SHC4: variants seen among roughly 807,000 people sequenced by gnomAD.
The protein encoded by SHC4 is SHC adaptor protein 4.
SHC4 carries 41 observed loss-of-function variants against 69.4 expected under a neutral mutation model. That is an observed-to-expected ratio of 0.59 (90% CI 0.46 to 0.77). The LOEUF (loss-of-function observed/expected upper bound fraction) is 0.77. Ranked by LOEUF, SHC4 falls within the 30% of genes least tolerant of loss-of-function variation. SHC4 has a pLI of 0.00. For synonymous variants in SHC4, 318 were observed against 299.3 expected (o/e 1.06, Z -0.64); for missense variants, 777 against 783.8 (o/e 0.99, Z 0.10).
intron 1 of SHC4, among the ~76,000 whole-genome samples, chr15:48,957,614 G>A (rs899589343): frequency 2.6e-5 from 4 of 152,184 alleles, no homozygotes; most frequent in African/African-American, 9.7e-5. Flanking sequence ...CAAAGCTGAT[G>A]AGCTTGATAC....
chr15:48,956,090 C>A (rs1901449480), intron 1 of SHC4, among the ~76,000 whole-genome samples: 1 of 152,166 alleles, frequency 6.6e-6, no homozygotes, highest in African/African-American at 2.4e-5. Context: ...GCCAGGCTTT[C>A]TCTAAGTTCC....
chr15:48,848,270 C>G (rs192490160), intron 9 of SHC4, among the ~76,000 whole-genome samples: 32 of 152,208 alleles, frequency 2.1e-4, no homozygotes, highest in Admixed American at 1.0e-3. Context: ...CTCACCGGAA[C>G]TCAGAAATGG....
In SHC4 at chr15:48,824,879, A is replaced by G. The variant is rs1243229927; in HGVS notation, c.*1092T>C. On this transcript the variant is annotated 3_prime_UTR_variant, in exon 12 of 12. Coordinates refer to ENST00000332408, the MANE Select transcript of SHC4 (RefSeq NM_203349.4). ...CCATGCTTAATCACTCTGTTAGTTT[A>G]CCAGTTGGTCTACATGTGGAAAATC... The G allele has an allele frequency of 6.6e-6, 1 of 152,468 alleles. No homozygotes were observed. The highest frequency in any genetic ancestry group is 1.9e-4 in the East Asian group (1 of 5,174). 9.4% of individuals were successfully genotyped at this position (152,468 alleles called of 1,614,324 possible).
chr15:48,870,815 A>T (rs1899659573), intron 5 of SHC4, among the ~76,000 whole-genome samples: 1 of 152,256 alleles, frequency 6.6e-6, no homozygotes. Context: ...CAGGTAAGTT[A>T]CACCAACACC....
intron 1 of SHC4, among the ~76,000 whole-genome samples, chr15:48,942,250 T>C (rs1049102724): frequency 6.6e-6 from 1 of 152,110 alleles, no homozygotes; most frequent in Non-Finnish European, 1.5e-5. Context: ...CCCCTTTATT[T>C]CCAAAGCATT....
chr15:48,872,319 T>A (rs1174409111), intron 4 of SHC4, among the ~76,000 whole-genome samples, 177 bp from the exon 5 acceptor site: 2 of 152,196 alleles, frequency 1.3e-5, no homozygotes, highest in Non-Finnish European at 2.9e-5. Flanking sequence ...TTCTGATGAT[T>A]TTGTGATGCC....
chr15:48,943,860 G>A (rs1436136828), intron 1 of SHC4, among the ~76,000 whole-genome samples: 1 of 152,006 alleles, frequency 6.6e-6, no homozygotes, highest in African/African-American at 2.4e-5. Flanking sequence ...AGTTTTCCTT[G>A]AAGTCCTACC....
chr15:48,927,906 C>A (rs995018273), intron 1 of SHC4, among the ~76,000 whole-genome samples: 1 of 152,152 alleles, frequency 6.6e-6, no homozygotes, highest in Non-Finnish European at 1.5e-5. Flanking sequence ...GTACCTCTTT[C>A]TATTCCCTTG....
In SHC4 at chr15:48,912,684, G is replaced by A. The variant is rs184310768; in HGVS notation, c.656+12195C>T. ...AGAGCCTTGTTTTGTCATATTACCC[G>A]GGTTGGTTTTCTGGTTCCTTCTTAT... is the stretch of plus-strand genomic sequence containing the variant. On this transcript the variant is annotated intron_variant, in intron 2 of 11. Coordinates refer to ENST00000332408, the MANE Select transcript of SHC4 (RefSeq NM_203349.4). Among the ~76,000 whole-genome samples, 9 of 152,214 alleles carry A rather than the reference G, an allele frequency of 5.9e-5. No homozygotes were observed. The East Asian group carries it at 1.2e-3, about 20-fold the overall frequency.
chr15:48,949,728 T>C (rs988989512), intron 1 of SHC4, among the ~76,000 whole-genome samples: 1 of 150,844 alleles, frequency 6.6e-6, no homozygotes, highest in Admixed American at 6.6e-5. Flanking sequence ...TAACCTATAA[T>C]TCCTTATCTA....
At chr15:48,917,255 G>GTGTGTGTGTGTGTGTGTT (rs1488527282) in intron 2 of SHC4, among the ~76,000 whole-genome samples, 37 of 132,598 alleles carry the variant, frequency 2.8e-4, no homozygotes, top group African/African-American at 1.1e-3. Flanking sequence ...GTGTGTGTGT[G>GTGTGTGTGTGTGTGTGTT]TGTGTGTGTG....
intron 1 of SHC4, among the ~76,000 whole-genome samples, chr15:48,941,384 A>G (rs1293711765): frequency 1.3e-5 from 2 of 152,182 alleles, no homozygotes; most frequent in Non-Finnish European, 2.9e-5. Flanking sequence ...AAGAGATTTA[A>G]AATTTGATAT....
Sources: gnomAD v4.1 joint callset for allele counts (sites outside exome capture counted in the v4.1 genomes callset) on GRCh38, gnomAD v4.1.1 for gene constraint, MANE v1.5 for transcripts, NCBI Gene and HGNC (gene_info 2026-07-23, HGNC 2026-07-21) for gene names.